IARS2: variants seen among roughly 807,000 people sequenced by gnomAD.
IARS2 encodes the protein isoleucyl-tRNA synthetase 2, mitochondrial.
In IARS2, 56 loss-of-function variants were observed where a neutral mutation model predicts 126.3. That is an observed-to-expected ratio of 0.44 (90% CI 0.36 to 0.55). The LOEUF is 0.55. IARS2 is among the 20% of genes least tolerant of loss of function. IARS2 has a pLI of 0.00. For synonymous variants in IARS2, 407 were observed against 441.1 expected (o/e 0.92, Z 0.97); for missense variants, 1,127 against 1,245.9 (o/e 0.90, Z 1.44).
chr1:220,120,581 G>A (rs1396408773), intron 12 of IARS2, among the ~76,000 whole-genome samples: 1 of 151,972 alleles, frequency 6.6e-6, no homozygotes, highest in African/African-American at 2.4e-5. Context: ...TTGCCATGTT[G>A]CCCAGGCTGG....
chr1:220,106,002 C>T lies in IARS2; in HGVS notation c.1178C>T (p.Thr393Ile), dbSNP rs746765893. 1 of 1,614,184 alleles carries T rather than the reference C, an allele frequency of 6.2e-7. No homozygotes were observed. Among genetic ancestry groups the T allele is most frequent in the South Asian group, 1.1e-5 (1 of 91,088 alleles). Residue 393 changes from threonine (T) to isoleucine (I), a missense_variant, in exon 9 of 23, where the codon ACA becomes ATA. Thr to Ile is a moderately conservative substitution (Grantham distance 89, BLOSUM62 -1). Coordinates refer to ENST00000366922, the MANE Select transcript of IARS2 (RefSeq NM_018060.4). ...TMAKGTGLVH[T>I]APAHGMEDYG... Reference sequence around the variant, plus strand: ...GCAAAAGGAACGGGATTGGTTCACACAGCCCCAGCTCATGGTATGGAAGAC... The same window carrying T: ...GCAAAAGGAACGGGATTGGTTCACATAGCCCCAGCTCATGGTATGGAAGAC...
rs142865520 is a variant in IARS2, at chr1:220,134,448, C to A, written c.1884C>A (p.Leu628=). The stretch of plus-strand genomic sequence containing the variant: ...TGTACTTGGAAGGAAAAGACCAGCT[C>A]GGGGGTTGGTTTCAGTCATCCTTAT... The part of the protein sequence containing the change: ...ADLYLEGKDQ[L]GGWFQSSLLT... Residue 628 remains leucine, a synonymous_variant, in exon 15 of 23, where the codon CTC becomes CTA. Transcript: ENST00000366922. 4 of 1,613,122 alleles carry A rather than the reference C, an allele frequency of 2.5e-6. No individual in the cohort carries two copies. The African/African-American group carries it at 5.3e-5, about 22-fold the overall frequency.
In IARS2 at chr1:220,131,149, T is replaced by A. The variant is rs1240538833; in HGVS notation, c.1838-3253T>A. Reference sequence around the variant, plus strand: ...TTTCTGTGAAGAATATCATTGGTATTTTGCATGGAATTGCATTGAATCTTT... The same window carrying A: ...TTTCTGTGAAGAATATCATTGGTATATTGCATGGAATTGCATTGAATCTTT... On this transcript the variant is annotated intron_variant, in intron 14 of 22. Transcript: ENST00000366922. 2.6e-5 allele frequency among the ~76,000 whole-genome samples: 4 copies of A among 152,238 alleles called. No homozygotes were observed. The South Asian group carries it at 6.2e-4, about 24-fold the overall frequency.
intron 18 of IARS2, 92 bp downstream of exon 18, chr1:220,139,231 C>A: frequency 3.2e-6 from 3 of 927,464 alleles, no homozygotes; most frequent in East Asian, 2.7e-5. Context: ...ACAGACCTTG[C>A]TGGAAATAGT....
intron 10 of IARS2, among the ~76,000 whole-genome samples, chr1:220,110,352 G>A (rs1656774315): frequency 6.6e-6 from 1 of 151,090 alleles, no homozygotes; most frequent in Non-Finnish European, 1.5e-5. Context: ...GAGCAACCAC[G>A]CCCAGCCAAG....
chr1:220,143,427 C>G (rs1339977506), intron 21 of IARS2: 1 of 221,886 alleles, frequency 4.5e-6, no homozygotes, highest in African/African-American at 2.3e-5. Context: ...CTTTTGTTTC[C>G]TATTTCACCA....
chr1:220,103,301 G>T, intron 7 of IARS2, 146 bp from the exon 8 acceptor site: 1 of 560,808 alleles, frequency 1.8e-6, no homozygotes, highest in South Asian at 2.5e-5. Flanking sequence ...ACCTGCCTTG[G>T]CCTCCCAAAG....
intron 21 of IARS2, among the ~76,000 whole-genome samples, chr1:220,144,929 A>T (rs1657558276): frequency 6.6e-6 from 1 of 152,174 alleles, no homozygotes; most frequent in African/African-American, 2.4e-5. Context: ...ACTCACTTTG[A>T]AGATCAAAAT....
chr1:220,109,399 C>CAAAAAAAA (rs1181239421), intron 10 of IARS2, among the ~76,000 whole-genome samples: 1 of 113,230 alleles, frequency 8.8e-6, no homozygotes. Context: ...GAGTCCATCT[C>CAAAAAAAA]AAAAAAAAAA....
chr1:220,117,759 T>G (rs1656957251), intron 12 of IARS2: 6 of 430,800 alleles, frequency 1.4e-5, no homozygotes, highest in South Asian at 1.1e-4. Flanking sequence ...TATTTATGTT[T>G]TATTTACTCA....
At chr1:220,140,134 T>A in intron 18 of IARS2, 49 bp from the exon 19 acceptor site, 1 of 1,077,736 alleles carries the variant, frequency 9.3e-7, no homozygotes, top group Non-Finnish European at 1.4e-6. Context: ...GACTTACATT[T>A]TCATTTGCCT....
Position 220,137,996 on chromosome 1 carries a change from G to T in IARS2, c.2128G>T (p.Ala710Ser), listed in dbSNP as rs187895132. Residue 710 changes from alanine (A) to serine (S), a missense_variant, in exon 17 of 23, where the codon GCA becomes TCA. Coordinates refer to ENST00000366922, the MANE Select transcript of IARS2 (RefSeq NM_018060.4). ...VADSNVFTEV[A>S]IGPSVLNAAR... ...TGATTCCAATGTCTTCACCGAAGTT[G>T]CAATTGGCCCATCCGTGCTCAATGC... 3.7e-6 allele frequency: 6 copies of T among 1,614,114 alleles called. No homozygotes were observed. Among genetic ancestry groups the T allele is most frequent in the Non-Finnish European group, 5.1e-6 (6 of 1,180,006 alleles).
chr1:220,114,256 GTT>G, intron 11 of IARS2, 56 bp from the exon 12 acceptor site: 1 of 1,481,572 alleles, frequency 6.7e-7, no homozygotes, highest in Non-Finnish European at 9.4e-7. Flanking sequence ...AAAATTGACT[GTT>G]CTAGAATACT....
At chr1:220,146,773 G>C (rs1017598726) in intron 22 of IARS2, among the ~76,000 whole-genome samples, 1 of 152,158 alleles carries the variant, frequency 6.6e-6, no homozygotes, top group Non-Finnish European at 1.5e-5. Context: ...CCAGATTCAA[G>C]CAATTCTCTT....
chr1:220,097,575 G>T (rs2102816110), intron 2 of IARS2, among the ~76,000 whole-genome samples: 1 of 151,964 alleles, frequency 6.6e-6, no homozygotes, highest in South Asian at 2.1e-4. Flanking sequence ...GTGTTAGCCA[G>T]GATGGTCTCG....
intron 12 of IARS2, among the ~76,000 whole-genome samples, chr1:220,115,338 G>A (rs1379691970): frequency 6.6e-6 from 1 of 152,110 alleles, no homozygotes; most frequent in East Asian, 1.9e-4. Context: ...CGAGGCTGGT[G>A]TATCATGAGG....
chr1:220,123,939 A>G (rs1657103448), intron 12 of IARS2, among the ~76,000 whole-genome samples: 1 of 152,210 alleles, frequency 6.6e-6, no homozygotes, highest in Non-Finnish European at 1.5e-5. Flanking sequence ...GTATTGTTCT[A>G]TGTGTTTTAT....
chr1:220,116,350 A>G (rs1656913490), intron 12 of IARS2, among the ~76,000 whole-genome samples: 1 of 152,116 alleles, frequency 6.6e-6, no homozygotes, highest in South Asian at 2.1e-4. Flanking sequence ...TCTTCTAGTA[A>G]TATTAGGGAG....
chr1:220,110,679 T>C (rs989260347), intron 10 of IARS2, 107 bp from the exon 11 acceptor site: 8 of 843,024 alleles, frequency 9.5e-6, no homozygotes, highest in Non-Finnish European at 1.5e-5. Context: ...ACTACTCTTA[T>C]TGCCACCTGT....
Sources: gnomAD v4.1 joint callset for allele counts (sites outside exome capture counted in the v4.1 genomes callset) on GRCh38, gnomAD v4.1.1 for gene constraint, MANE v1.5 for transcripts, NCBI Gene and HGNC (gene_info 2026-07-23, HGNC 2026-07-21) for gene names.